Variants in PCSK1 observed in about 807,000 individuals in gnomAD.
The protein encoded by PCSK1 is proprotein convertase subtilisin/kexin type 1, also known as neuroendocrine convertase 1.
Under a neutral mutation model 90.6 loss-of-function variants are expected in PCSK1, and 56 were observed. That is an observed-to-expected ratio of 0.62 (90% confidence interval 0.50 to 0.77). The LOEUF (loss-of-function observed/expected upper bound fraction) is 0.77, where lower values mean the gene tolerates loss of function less well. Among genes scored for constraint, PCSK1 ranks in the 30% least tolerant of loss-of-function variants. The pLI is 0.00. For synonymous variants in PCSK1, 348 were observed against 342.4 expected, an observed-to-expected ratio of 1.02 and a Z score of -0.18; for missense variants, 801 against 932.6, an observed-to-expected ratio of 0.86 and a Z score of 1.84.
rs1760289658 is a variant in PCSK1 at position 96,399,822 on chromosome 5, G to GAGA, written c.1430+128_1430+130dup. On this transcript the variant is annotated intron_variant, in intron 10 of 13. Coordinates refer to ENST00000311106, the MANE Select transcript of PCSK1 (RefSeq NM_000439.5). ...TAGTTAGTCCCCATGGATACCCACAGAGAACACTAGAAAATTCCACCTCCA... is the reference window on the plus strand; with the variant it reads ...TAGTTAGTCCCCATGGATACCCACAGAGAAGAACACTAGAAAATTCCACCTCCA... 3 of 727,030 alleles carry GAGA rather than the reference G, an allele frequency of 4.1e-6. No individual in the cohort carries two copies. In the South Asian group the frequency reaches 4.8e-5, roughly 12 times the overall value. The allele number at this position is 727,030 out of a possible 1,614,324, so 45.0% of individuals were successfully genotyped here. A position where few individuals can be genotyped will look rare whatever the true frequency, so the allele number is the denominator to read the frequency against.
rs369296423 is a variant in PCSK1, at chr5:96,413,580, A to T, written c.710-1090T>A. On this transcript the variant is annotated intron_variant, in intron 6 of 13. Coordinates refer to ENST00000311106, the MANE Select transcript of PCSK1 (RefSeq NM_000439.5). ...TTTGGGAGGCCGAGGTGGGTGGATC[A>T]CTTGAGGCCAGGAGTTCAAGACCAG... 4.6e-5 allele frequency among the ~76,000 whole-genome samples: 7 copies of T among 152,120 alleles called. No homozygotes were observed. In the East Asian group the frequency reaches 1.4e-3, roughly 29 times the overall value.
chr5:96,391,601 C>T lies in PCSK1; in HGVS notation c.*1400G>A, dbSNP rs1294160151. On this transcript the variant is annotated 3_prime_UTR_variant, in exon 14 of 14. Transcript: ENST00000311106. ...TGCATTTACACTTTGTACACATTCGCTTAGTGTAGGAGTGGGCAAAATCAA... is the reference window on the plus strand; with the variant it reads ...TGCATTTACACTTTGTACACATTCGTTTAGTGTAGGAGTGGGCAAAATCAA... The T allele has an allele frequency of 2.0e-5, 3 of 152,108 alleles. No individual in the cohort carries two copies. Among genetic ancestry groups the T allele is most frequent in the African/African-American group, 7.2e-5 (3 of 41,398 alleles). The allele number at this position is 152,108 out of a possible 1,614,324, so 9.4% of individuals were successfully genotyped here.
At chr5:96,409,675 T>C (rs1312451200) in intron 8 of PCSK1, among the ~76,000 whole-genome samples, 1 of 152,154 alleles carries the variant, frequency 6.6e-6, no homozygotes, top group East Asian at 1.9e-4. Flanking sequence ...CCCAGGGAAA[T>C]GACAACAGCC....
intron 5 of PCSK1, among the ~76,000 whole-genome samples, chr5:96,417,907 A>T (rs1473862549): frequency 6.6e-6 from 1 of 152,184 alleles, no homozygotes; most frequent in East Asian, 1.9e-4. Context: ...GTACTTCCAG[A>T]AGTCACCACT....
At chr5:96,412,802 CA>C (rs1760814822) in intron 6 of PCSK1, 1 of 314,380 alleles carries the variant, frequency 3.2e-6, no homozygotes, top group Non-Finnish European at 5.2e-6. Flanking sequence ...CTCTTCCCAG[CA>C]AAAGCTCTGG....
Position 96,433,027 on chromosome 5 carries a change from A to G in PCSK1, c.16T>C (p.Trp6Arg), listed in dbSNP as rs1761557480. Residue 6 changes from tryptophan (W) to arginine (R), a missense_variant, in exon 1 of 14, where the codon TGG (tryptophan) becomes CGG (arginine). Transcript: ENST00000311106. MERRA[W>R]SLQCTAFVLF... The stretch of plus-strand genomic sequence containing the variant: ...ACGAAAGCAGTGCACTGCAGACTCC[A>G]GGCTCTTCGCTCCATAGCTCACACA... 1 of 1,614,152 alleles carries G rather than the reference A, an allele frequency of 6.2e-7. No individual in the cohort carries two copies. The highest frequency in any genetic ancestry group is 8.5e-7 in the Non-Finnish European group (1 of 1,179,960).
rs1462911907 is a variant in PCSK1, at chr5:96,423,303, A to C, written c.543+10T>G. On this transcript the variant is annotated intron_variant, in intron 4 of 13. Transcript: ENST00000311106. ...CCCTAAGTCACAGTCATGAGAAGGCACACACTTACATAGTTGGCATAAATG... is the reference window on the plus strand; with the variant it reads ...CCCTAAGTCACAGTCATGAGAAGGCCCACACTTACATAGTTGGCATAAATG... The C allele has an allele frequency of 6.9e-6, 11 of 1,603,282 alleles. No individual in the cohort carries two copies. The highest frequency in any genetic ancestry group is 9.4e-6 in the Non-Finnish European group (11 of 1,174,054).
intron 9 of PCSK1, among the ~76,000 whole-genome samples, chr5:96,401,086 C>CAAAAAAAAA (rs35928091): frequency 1.4e-5 from 1 of 70,574 alleles, no homozygotes; most frequent in African/African-American, 5.9e-5. Flanking sequence ...GACTCCGTCT[C>CAAAAAAAAA]AAAAAAAAAA....
At chr5:96,413,886 G>T (rs556753118) in intron 6 of PCSK1, among the ~76,000 whole-genome samples, 2 of 148,378 alleles carry the variant, frequency 1.3e-5, no homozygotes, top group Non-Finnish European at 3.0e-5. Context: ...TTGGGAGGCC[G>T]AGGCGGGCGG....
At chr5:96,408,194 A>T in intron 9 of PCSK1, 29 bp downstream of exon 9, 1 of 1,495,046 alleles carries the variant, frequency 6.7e-7, no homozygotes, top group Non-Finnish European at 9.3e-7. Flanking sequence ...AGCCTTTGTA[A>T]AGGTGATTAG....
intron 13 of PCSK1, among the ~76,000 whole-genome samples, chr5:96,394,148 CCTATT>C (rs1425089001): frequency 6.6e-6 from 1 of 152,200 alleles, no homozygotes; most frequent in African/African-American, 2.4e-5. Flanking sequence ...CAGAGCTGGA[CCTATT>C]CAGAGCAGGG....
intron 12 of PCSK1, among the ~76,000 whole-genome samples, chr5:96,397,075 TG>T (rs981645184): frequency 1.3e-5 from 2 of 152,236 alleles, no homozygotes; most frequent in African/African-American, 4.8e-5. Context: ...TGGGAACACC[TG>T]GATTTGTCCC....
At chr5:96,408,535 G>A (rs1760648243) in intron 8 of PCSK1, among the ~76,000 whole-genome samples, 1 of 152,168 alleles carries the variant, frequency 6.6e-6, no homozygotes, top group Admixed American at 6.5e-5. Flanking sequence ...TATAATTCTG[G>A]CAGCAAGATG....
intron 8 of PCSK1, 26 bp downstream of exon 8, chr5:96,410,748 G>T (rs1451907845): frequency 6.4e-7 from 1 of 1,573,398 alleles, no homozygotes; most frequent in East Asian, 2.2e-5. Context: ...TAACTAAGCA[G>T]AGAGAATTAG....
At chr5:96,398,166 A>G (rs1334494759) in intron 11 of PCSK1, among the ~76,000 whole-genome samples, 1 of 152,184 alleles carries the variant, frequency 6.6e-6, no homozygotes, top group African/African-American at 2.4e-5. Flanking sequence ...CATAACTTCA[A>G]AATTAACAGA....
rs367854792 is a variant in PCSK1, at chr5:96,390,608, C to A, written c.*2393G>T. On this transcript the variant is annotated 3_prime_UTR_variant, in exon 14 of 14. Transcript: ENST00000311106. ...AAAATATTTTATTGGGTGAAACTTT[C>A]TTATTCTCAGGAAAACTTTTGGTTC... The A allele has an allele frequency of 6.6e-6, 1 of 152,516 alleles. No homozygotes were observed. The highest frequency in any genetic ancestry group is 1.5e-5 in the Non-Finnish European group (1 of 68,004). 9.4% of individuals were successfully genotyped at this position (152,516 alleles called of 1,614,324 possible). A position where few individuals can be genotyped will look rare whatever the true frequency, so the allele number is the denominator to read the frequency against.
chr5:96,405,269 T>C (rs1760521273), intron 9 of PCSK1, among the ~76,000 whole-genome samples: 1 of 152,218 alleles, frequency 6.6e-6, no homozygotes, highest in Non-Finnish European at 1.5e-5. Context: ...TCATAGACTC[T>C]TAATATCTCT....
At chr5:96,394,746 C>G (rs913742906) in intron 13 of PCSK1, 118 bp downstream of exon 13, 18 of 879,628 alleles carry the variant, frequency 2.0e-5, no homozygotes, top group Admixed American at 3.4e-5. Context: ...ACTATCACTT[C>G]TTATCCTCCC....
At position 96,396,015 on chromosome 5, in the gene PCSK1, T is replaced by C. The variant is rs115125818; in HGVS notation, c.1723-990A>G. Among the ~76,000 whole-genome samples, 1,398 of 152,276 alleles carry C rather than the reference T, an allele frequency of 9.2e-3. 16 individuals are homozygous for C. The highest frequency in any genetic ancestry group is 0.032 in the African/African-American group (1,327 of 41,558). ...ATGAAATAAATCCCACCTTGGTAAA[T>C]AGATTTTCTTAGTTTCCTGATGGTG... On this transcript the variant is annotated intron_variant, in intron 12 of 13. Coordinates refer to ENST00000311106, the MANE Select transcript of PCSK1 (RefSeq NM_000439.5).
Sources: gnomAD v4.1 joint callset for allele counts (sites outside exome capture counted in the v4.1 genomes callset) on GRCh38, gnomAD v4.1.1 for gene constraint, MANE v1.5 for transcripts, NCBI Gene and HGNC (gene_info 2026-07-23, HGNC 2026-07-21) for gene names.